The following EPHB1 variants were observed in gnomAD, a reference collection of about 807,000 sequenced individuals.
EPHB1 encodes ephrin type-B receptor 1.
A neutral mutation model predicts 94.4 loss-of-function variants in EPHB1; 30 were observed. That is an observed-to-expected ratio of 0.32 (90% CI 0.24 to 0.43). The LOEUF is 0.43. Ranked by LOEUF, EPHB1 falls within the 20% of genes least tolerant of loss-of-function variation. The pLI is 1.00. For missense variants in EPHB1, 1,055 were observed against 1,308.3 expected (o/e 0.81, Z 2.99); for synonymous variants, 522 against 489.1 (o/e 1.07, Z -0.89).
chr3:134,907,293 C>T (rs1420216479), intron 1 of EPHB1, among the ~76,000 whole-genome samples: 3 of 152,180 alleles, frequency 2.0e-5, no homozygotes, highest in African/African-American at 7.2e-5. Flanking sequence ...CTCTTAGTTG[C>T]ACCATGGCTG....
chr3:135,064,639 CA>C (rs1391710856), intron 3 of EPHB1, among the ~76,000 whole-genome samples: 1 of 151,996 alleles, frequency 6.6e-6, no homozygotes, highest in Non-Finnish European at 1.5e-5. Context: ...TTTATCTTTT[CA>C]AAAAACTACT....
chr3:134,797,063 C>T (rs2035844020), intron 1 of EPHB1, among the ~76,000 whole-genome samples: 1 of 152,228 alleles, frequency 6.6e-6, no homozygotes, highest in Admixed American at 6.5e-5. Context: ...CGAAGACCAC[C>T]GCATCCCACG....
chr3:135,167,123 C>A, intron 9 of EPHB1, 117 bp downstream of exon 9: 1 of 1,220,094 alleles, frequency 8.2e-7, no homozygotes, highest in Non-Finnish European at 1.2e-6. Flanking sequence ...AGTTCTCTCT[C>A]AGCCCCCAGT....
chr3:135,183,025 CTTTTCT>C (rs1942207387), intron 10 of EPHB1, among the ~76,000 whole-genome samples: 1 of 46,870 alleles, frequency 2.1e-5, no homozygotes, highest in African/African-American at 8.5e-5. Context: ...CTTTTCTTTT[CTTTTCT>C]TTCTTTCTTT....
At chr3:135,040,083 C>T (rs1239356062) in intron 3 of EPHB1, among the ~76,000 whole-genome samples, 3 of 152,170 alleles carry the variant, frequency 2.0e-5, no homozygotes, top group Non-Finnish European at 4.4e-5. Context: ...AATTCCTGAC[C>T]TGCAAAATCT....
At position 135,154,288 on chromosome 3, in the gene EPHB1, C is replaced by G. The variant is rs1384391632; in HGVS notation, c.1422+12C>G. 6.2e-7 allele frequency: 1 copy of G among 1,613,694 alleles called. No homozygotes were observed. The highest frequency in any genetic ancestry group is 8.5e-7 in the Non-Finnish European group (1 of 1,179,776). Reference sequence around the variant, plus strand: ...GGTACTATGAGAAGGTGAGCCAGCTCTACCTGCAAGCTTGCAAGACCCAAG... The same window carrying G: ...GGTACTATGAGAAGGTGAGCCAGCTGTACCTGCAAGCTTGCAAGACCCAAG... On this transcript the variant is annotated intron_variant, in intron 6 of 15. Coordinates refer to ENST00000398015, the MANE Select transcript of EPHB1 (RefSeq NM_004441.5).
chr3:135,171,156 C>T (rs548514952), intron 9 of EPHB1, among the ~76,000 whole-genome samples: 1 of 151,844 alleles, frequency 6.6e-6, no homozygotes, highest in East Asian at 1.9e-4. Context: ...TGGGAACCCC[C>T]AAAGTTTCAT....
At chr3:135,176,702 T>C (rs1941987823) in intron 9 of EPHB1, among the ~76,000 whole-genome samples, 1 of 152,210 alleles carries the variant, frequency 6.6e-6, no homozygotes, top group Non-Finnish European at 1.5e-5. Flanking sequence ...CCCTTTCCCT[T>C]CTGGGAATAG....
In EPHB1 at chr3:135,053,027, G is replaced by GTGTATA. The variant is rs1256844091; in HGVS notation, c.806-53420_806-53419insGTATAT. 3.6e-5 allele frequency among the ~76,000 whole-genome samples: 4 copies of GTGTATA among 110,474 alleles called. 1 individual carries two copies. The highest frequency in any genetic ancestry group is 1.7e-4 in the African/African-American group (4 of 23,610). The allele number at this position is 110,474 out of a possible 152,430, so 72.5% of individuals were successfully genotyped here. ...TGTGTATATATATGTGTGTGTGTGT[G>GTGTATA]TATATATATATATATATATATATAT... is the stretch of plus-strand genomic sequence containing the variant. On this transcript the variant is annotated intron_variant, in intron 3 of 15. Coordinates refer to ENST00000398015, the MANE Select transcript of EPHB1 (RefSeq NM_004441.5).
At chr3:135,096,820 A>G (rs769790276) in intron 3 of EPHB1, among the ~76,000 whole-genome samples, 1 of 152,226 alleles carries the variant, frequency 6.6e-6, no homozygotes, top group Non-Finnish European at 1.5e-5. Context: ...ATTCGGGGCC[A>G]GGCACAATGG....
At chr3:135,169,990 TC>T (rs1385646381) in intron 9 of EPHB1, among the ~76,000 whole-genome samples, 2 of 152,190 alleles carry the variant, frequency 1.3e-5, no homozygotes, top group Non-Finnish European at 2.9e-5. Context: ...TAATGTCTGA[TC>T]CGAATGTGTG....
intron 1 of EPHB1, among the ~76,000 whole-genome samples, chr3:134,833,090 T>C (rs1049423417): frequency 1.7e-4 from 26 of 152,230 alleles, no homozygotes; most frequent in African/African-American, 5.3e-4. Context: ...CTTGGTCACC[T>C]GATCCCAGCC....
At chr3:134,964,450 A>G (rs1474727557) in intron 3 of EPHB1, among the ~76,000 whole-genome samples, 6 of 152,282 alleles carry the variant, frequency 3.9e-5, no homozygotes, top group Admixed American at 3.9e-4. Flanking sequence ...ACATAAGGTC[A>G]GTGCAACGTG....
At chr3:135,086,911 C>T (rs1186794234) in intron 3 of EPHB1, among the ~76,000 whole-genome samples, 1 of 152,196 alleles carries the variant, frequency 6.6e-6, no homozygotes, top group African/African-American at 2.4e-5. Flanking sequence ...TGGAGCTTCA[C>T]AGTGAAAGAG....
At chr3:135,079,895 T>G (rs1938098396) in intron 3 of EPHB1, among the ~76,000 whole-genome samples, 1 of 151,972 alleles carries the variant, frequency 6.6e-6, no homozygotes. Flanking sequence ...ACTGGAGTGT[T>G]GAGTAGACAT....
chr3:134,886,600 A>C (rs1318226804), intron 1 of EPHB1, among the ~76,000 whole-genome samples: 2 of 152,198 alleles, frequency 1.3e-5, no homozygotes, highest in Non-Finnish European at 2.9e-5. Context: ...TGTAAATAAT[A>C]ATTTTATGGA....
intron 4 of EPHB1, among the ~76,000 whole-genome samples, chr3:135,125,699 G>A (rs1208962035): frequency 3.1e-3 from 2 of 638 alleles, no homozygotes; most frequent in Non-Finnish European, 0.011. Context: ...TTTGATAATG[G>A]TCTACATCCC....
intron 5 of EPHB1, among the ~76,000 whole-genome samples, chr3:135,151,431 T>G (rs528305871): frequency 6.6e-6 from 1 of 152,186 alleles, no homozygotes; most frequent in African/African-American, 2.4e-5. Context: ...CTCCTGCATC[T>G]GCTTCTCAGG....
At chr3:135,110,901 G>A (rs1576393037) in intron 4 of EPHB1, among the ~76,000 whole-genome samples, 1 of 152,172 alleles carries the variant, frequency 6.6e-6, no homozygotes, top group East Asian at 1.9e-4. Flanking sequence ...GTGGCATAAG[G>A]ATCATGTCCC....
Sources: gnomAD v4.1 joint callset for allele counts (sites outside exome capture counted in the v4.1 genomes callset) on GRCh38, gnomAD v4.1.1 for gene constraint, MANE v1.5 for transcripts, NCBI Gene and HGNC (gene_info 2026-07-23, HGNC 2026-07-21) for gene names.